The following OSBPL10 variants were observed in gnomAD, a reference collection of about 807,000 sequenced individuals.
OSBPL10 encodes oxysterol-binding protein-related protein 10.
A neutral mutation model predicts 81.7 loss-of-function variants in OSBPL10; 49 were observed. The ratio of observed to expected loss-of-function variants is 0.60; its 90% CI spans 0.48 to 0.76. OSBPL10 has a LOEUF of 0.76. Among genes scored for constraint, OSBPL10 ranks in the 30% least tolerant of loss-of-function variants. The probability of loss-of-function intolerance (pLI) is 0.00; values close to 1 mark genes in which losing one functional copy is unlikely to be tolerated. For missense variants in OSBPL10, 923 were observed against 987.8 expected (o/e 0.93, Z 0.88); for synonymous variants, 419 against 383.6 (o/e 1.09, Z -1.08).
chr3:31,674,694 T>A lies in OSBPL10; in HGVS notation c.1727-3711A>T, dbSNP rs755041642. ...TGCCATGTGACCCCCACACAGGGGTTCCCCTTCCTCTTCCACCACGAGTGG... is the reference window on the plus strand; with the variant it reads ...TGCCATGTGACCCCCACACAGGGGTACCCCTTCCTCTTCCACCACGAGTGG... On this transcript the variant is annotated intron_variant, in intron 8 of 11. Transcript: ENST00000396556. Among the ~76,000 whole-genome samples the A allele has an allele frequency of 1.1e-4, 17 of 152,308 alleles. No individual in the cohort carries two copies. In the East Asian group the frequency reaches 1.9e-3, roughly 17 times the overall value.
chr3:31,688,385 C>T lies in OSBPL10; in HGVS notation c.1246-4271G>A, dbSNP rs549494122. ...ACAAAAAGCTCATCAGCTCAAGTAG[C>T]TCCCTGCTCTGTGAAGCTTTTTTTG... On this transcript the variant is annotated intron_variant, in intron 7 of 11. Transcript: ENST00000396556. 2.6e-5 allele frequency among the ~76,000 whole-genome samples: 4 copies of T among 151,906 alleles called. No homozygotes were observed. The East Asian group carries it at 7.8e-4, about 30-fold the overall frequency.
intron 4 of OSBPL10, among the ~76,000 whole-genome samples, chr3:31,785,319 T>C (rs528362755): frequency 1.2e-3 from 183 of 152,176 alleles, no homozygotes; most frequent in Non-Finnish European, 2.3e-3. Flanking sequence ...ATAAACTAAC[T>C]GTAACTGAAT....
intron 3 of OSBPL10, among the ~76,000 whole-genome samples, chr3:31,874,736 T>C (rs946637804): frequency 3.3e-5 from 5 of 152,146 alleles, no homozygotes; most frequent in Admixed American, 2.0e-4. Context: ...GGAAACAAAC[T>C]CTTACAGAAC....
chr3:31,697,942 T>G (rs918487204), intron 7 of OSBPL10, among the ~76,000 whole-genome samples: 16 of 152,106 alleles, frequency 1.1e-4, no homozygotes, highest in African/African-American at 3.9e-4. Flanking sequence ...TTTTGTATTT[T>G]TAGTAGAGAC....
intron 1 of OSBPL10, among the ~76,000 whole-genome samples, chr3:32,058,389 A>G (rs1699728748): frequency 6.6e-6 from 1 of 152,072 alleles, no homozygotes; most frequent in South Asian, 2.1e-4. Flanking sequence ...GGAGTGAGAC[A>G]TGACCTCGGC....
chr3:31,681,337 G>A (rs577896306), intron 8 of OSBPL10, among the ~76,000 whole-genome samples: 109 of 152,332 alleles, frequency 7.2e-4, no homozygotes, highest in South Asian at 1.2e-3. Context: ...GGGGAGCAGC[G>A]CTTTGGGGTG....
In OSBPL10 at chr3:31,876,413, CCTTT is replaced by C. The variant is rs773910070; in HGVS notation, c.537+16_537+19del. The stretch of plus-strand genomic sequence containing the variant: ...AGGCTGGTTATTCGAATGCCTCCTT[CCTTT>C]CTCACGGTGACTTACCTTAGAATTC... On this transcript the variant is annotated intron_variant, in intron 3 of 11. Transcript: ENST00000396556. The C allele has an allele frequency of 5.0e-6, 8 of 1,588,134 alleles. No individual in the cohort carries two copies. The African/African-American group carries it at 1.1e-4, about 21-fold the overall frequency.
intron 3 of OSBPL10, among the ~76,000 whole-genome samples, chr3:31,854,352 C>T (rs1373398410): frequency 1.3e-5 from 2 of 152,176 alleles, no homozygotes; most frequent in African/African-American, 2.4e-5. Context: ...ATCAGCCTGG[C>T]TGCCATTGGC....
chr3:31,912,287 G>A (rs373989203), intron 1 of OSBPL10, among the ~76,000 whole-genome samples: 17 of 151,878 alleles, frequency 1.1e-4, no homozygotes, highest in South Asian at 1.0e-3. Context: ...CCAGCTACTC[G>A]GGAGGCTGAG....
intron 1 of OSBPL10, among the ~76,000 whole-genome samples, chr3:31,970,113 C>T (rs949672614): frequency 1.5e-4 from 23 of 152,178 alleles, no homozygotes; most frequent in African/African-American, 5.3e-4. Flanking sequence ...AATTTATTAA[C>T]TGTGCAGTCT....
intron 11 of OSBPL10, 133 bp from the exon 12 acceptor site, chr3:31,662,249 C>T (rs531390938): frequency 1.3e-6 from 2 of 1,491,258 alleles, no homozygotes; most frequent in Non-Finnish European, 1.8e-6. Flanking sequence ...CTGCTGGCCT[C>T]AGTACCCCTC....
chr3:31,676,835 C>A (rs1325690690), intron 8 of OSBPL10, among the ~76,000 whole-genome samples: 1 of 152,216 alleles, frequency 6.6e-6, no homozygotes, highest in Non-Finnish European at 1.5e-5. Flanking sequence ...GAGGGGTGAG[C>A]AGCCCACACT....
intron 7 of OSBPL10, among the ~76,000 whole-genome samples, chr3:31,687,539 C>T (rs926750053): frequency 3.9e-5 from 6 of 152,064 alleles, no homozygotes; most frequent in Middle Eastern, 6.3e-3. Context: ...AATGTCAGAA[C>T]TAAAAAGCAA....
At chr3:31,720,489 T>C (rs1010846877) in intron 6 of OSBPL10, among the ~76,000 whole-genome samples, 2 of 152,142 alleles carry the variant, frequency 1.3e-5, no homozygotes, top group Admixed American at 6.5e-5. Context: ...ACAGGAGCAA[T>C]AGAACAACTT....
At chr3:32,016,909 G>T (rs890023273) in intron 2 of OSBPL10, among the ~76,000 whole-genome samples, 1 of 152,126 alleles carries the variant, frequency 6.6e-6, no homozygotes, top group Non-Finnish European at 1.5e-5. Context: ...GTAAAGACCT[G>T]GCACCCACAT....
chr3:32,001,699 C>T (rs1271598096), intron 2 of OSBPL10, among the ~76,000 whole-genome samples: 1 of 151,786 alleles, frequency 6.6e-6, no homozygotes, highest in African/African-American at 2.4e-5. Context: ...TTTAAAAAGG[C>T]TAGTCATTGC....
At chr3:31,970,728 C>T (rs751406698) in intron 1 of OSBPL10, among the ~76,000 whole-genome samples, 5 of 152,216 alleles carry the variant, frequency 3.3e-5, no homozygotes, top group East Asian at 1.9e-4. Flanking sequence ...ACAGGGCCAG[C>T]GTTCCCCTTG....
chr3:32,049,094 T>C lies in OSBPL10; in HGVS notation n.186-2491A>G, dbSNP rs573042225. Among the ~76,000 whole-genome samples the C allele has an allele frequency of 1.1e-4, 16 of 152,320 alleles. No individual in the cohort carries two copies. The South Asian group carries it at 2.5e-3, about 24-fold the overall frequency. ...CCCTGCCCATTTCCCAGAAAACTTA[T>C]GAATAATCCACCCCTCACTTAACAT... On this transcript the variant is annotated intron_variant and non_coding_transcript_variant, in intron 1 of 3. Transcript: ENST00000479173.
At chr3:31,728,855 ATTT>A (rs1334280297) in intron 6 of OSBPL10, among the ~76,000 whole-genome samples, 1 of 152,176 alleles carries the variant, frequency 6.6e-6, no homozygotes, top group South Asian at 2.1e-4. Flanking sequence ...TGGATTTTGA[ATTT>A]TTTTGGAAGT....
Sources: gnomAD v4.1 joint callset for allele counts (sites outside exome capture counted in the v4.1 genomes callset) on GRCh38, gnomAD v4.1.1 for gene constraint, MANE v1.5 for transcripts, NCBI Gene and HGNC (gene_info 2026-07-23, HGNC 2026-07-21) for gene names.